The following DCC variants were observed in gnomAD, a reference collection of about 807,000 sequenced individuals.
DCC encodes netrin receptor DCC.
DCC carries 58 observed loss-of-function variants against 172.5 expected under a neutral mutation model. The observed-to-expected ratio is 0.34, with a 90% CI of 0.27 to 0.42. The LOEUF (loss-of-function observed/expected upper bound fraction) is 0.42. DCC is among the 10% of genes least tolerant of loss of function. The pLI, the probability that DCC is intolerant of heterozygous loss-of-function variation, is 1.00. For missense variants in DCC, 1,740 were observed against 1,791.0 expected (o/e 0.97, Z 0.51); for synonymous variants, 709 against 644.5 (o/e 1.10, Z -1.52).
intron 1 of DCC, chr18:52,419,406 C>T (rs999415420): frequency 2.6e-5 from 4 of 152,132 alleles, no homozygotes; most frequent in African/African-American, 7.2e-5. Flanking sequence ...AACAAGTTTT[C>T]ATCCAGTGTC....
At chr18:53,269,700 T>A (rs1598967728) in intron 12 of DCC, among the ~76,000 whole-genome samples, 1 of 152,132 alleles carries the variant, frequency 6.6e-6, no homozygotes, top group Non-Finnish European at 1.5e-5. Context: ...TGAACCCTTT[T>A]GGTAGACAAG....
intron 5 of DCC, among the ~76,000 whole-genome samples, chr18:52,985,837 G>T (rs576433537): frequency 6.6e-6 from 1 of 152,074 alleles, no homozygotes; most frequent in South Asian, 2.1e-4. Flanking sequence ...TGATTTTTAA[G>T]CTTCAAGAAC....
At chr18:53,032,351 A>T (rs2042036574) in intron 5 of DCC, among the ~76,000 whole-genome samples, 1 of 152,128 alleles carries the variant, frequency 6.6e-6, no homozygotes, top group South Asian at 2.1e-4. Flanking sequence ...AAGTGTATGT[A>T]TTTCTCATTT....
chr18:52,472,784 A>C (rs1403385190), intron 1 of DCC, among the ~76,000 whole-genome samples: 1 of 152,146 alleles, frequency 6.6e-6, no homozygotes, highest in African/African-American at 2.4e-5. Context: ...ATGAGCCTAT[A>C]GTCCCAGCTA....
chr18:52,444,295 C>A (rs1187885034), intron 1 of DCC, among the ~76,000 whole-genome samples: 2 of 152,144 alleles, frequency 1.3e-5, no homozygotes, highest in African/African-American at 4.8e-5. Flanking sequence ...CTTGAAAATC[C>A]AGAAATCTAA....
At chr18:52,637,830 C>T (rs956948946) in intron 1 of DCC, among the ~76,000 whole-genome samples, 1 of 152,116 alleles carries the variant, frequency 6.6e-6, no homozygotes, top group Non-Finnish European at 1.5e-5. Context: ...CCGAGAAATT[C>T]ATAGCAAAAA....
intron 1 of DCC, among the ~76,000 whole-genome samples, chr18:52,498,326 T>G (rs1350901526): frequency 6.6e-6 from 1 of 152,094 alleles, no homozygotes; most frequent in Non-Finnish European, 1.5e-5. Flanking sequence ...ACTCAGTGAC[T>G]AAAATGATGG....
At chr18:52,834,687 C>T (rs1416229971) in intron 2 of DCC, among the ~76,000 whole-genome samples, 2 of 152,010 alleles carry the variant, frequency 1.3e-5, no homozygotes, top group East Asian at 1.9e-4. Context: ...TGCTTAGAAT[C>T]AAAGCTTATC....
chr18:53,047,282 ATATATAATTT>A (rs2042257279), intron 5 of DCC, among the ~76,000 whole-genome samples: 1 of 18,150 alleles, frequency 5.5e-5, no homozygotes, highest in African/African-American at 4.3e-4. Context: ...ATATATATAT[ATATATAATTT>A]TATATATATA....
intron 15 of DCC, among the ~76,000 whole-genome samples, chr18:53,381,071 T>C (rs1394840628): frequency 6.6e-6 from 1 of 152,176 alleles, no homozygotes; most frequent in African/African-American, 2.4e-5. Context: ...GGTATCAATA[T>C]TAGCAAGAGT....
intron 1 of DCC, among the ~76,000 whole-genome samples, chr18:52,491,895 C>T (rs1217332241): frequency 6.6e-6 from 1 of 151,908 alleles, no homozygotes; most frequent in Admixed American, 6.6e-5. Context: ...GTGATGATTC[C>T]TGTCTGGAGC....
chr18:52,423,950 C>G (rs570306898), intron 1 of DCC, among the ~76,000 whole-genome samples: 17 of 152,208 alleles, frequency 1.1e-4, no homozygotes, highest in African/African-American at 4.1e-4. Flanking sequence ...CGCTTCCGTT[C>G]CGATAATGTC....
rs762388968 is a variant in DCC, at chr18:53,339,918, G to A, written c.2359+11G>A. 1.9e-6 allele frequency: 3 copies of A among 1,594,370 alleles called. No homozygotes were observed. The highest frequency in any genetic ancestry group is 1.6e-5 in the African/African-American group (1 of 61,558). On this transcript the variant is annotated intron_variant, in intron 15 of 28. Transcript: ENST00000442544. ...CCATTGAGAGGTTAGGTGAGTATCT[G>A]TGATTTTTTTTATTCTATTAAGGGG...
At chr18:53,350,031 A>G (rs1459681639) in intron 15 of DCC, among the ~76,000 whole-genome samples, 2 of 152,222 alleles carry the variant, frequency 1.3e-5, no homozygotes. Flanking sequence ...ACAATGGAAA[A>G]GATAAAAAGT....
chr18:52,731,639 T>C (rs2036644387), intron 1 of DCC, among the ~76,000 whole-genome samples: 1 of 152,180 alleles, frequency 6.6e-6, no homozygotes, highest in Non-Finnish European at 1.5e-5. Context: ...TAAACAGCGA[T>C]TGACTTCATG....
At chr18:52,547,693 G>A (rs1047588637) in intron 1 of DCC, among the ~76,000 whole-genome samples, 13 of 151,990 alleles carry the variant, frequency 8.6e-5, no homozygotes, top group African/African-American at 3.1e-4. Context: ...CTGGGATTTC[G>A]TTACACAAAA....
intron 5 of DCC, among the ~76,000 whole-genome samples, chr18:52,991,256 A>G (rs28583496): frequency 1.3e-5 from 2 of 152,026 alleles, no homozygotes; most frequent in Non-Finnish European, 2.9e-5. Flanking sequence ...TAATTTTTTT[A>G]AATTTATCTT....
chr18:52,429,729 T>G (rs923406735), intron 1 of DCC, among the ~76,000 whole-genome samples: 6 of 152,170 alleles, frequency 3.9e-5, no homozygotes, highest in Non-Finnish European at 8.8e-5. Context: ...AAAGCTCCAT[T>G]ATAACAAATC....
Position 52,540,371 on chromosome 18 carries a change from G to A in DCC, c.91+199493G>A, listed in dbSNP as rs143695727. 4.9e-3 allele frequency among the ~76,000 whole-genome samples: 746 copies of A among 152,054 alleles called. 4 individuals are homozygous for A. Among genetic ancestry groups the A allele is most frequent in the Non-Finnish European group, 7.7e-3 (524 of 67,982 alleles). On this transcript the variant is annotated intron_variant, in intron 1 of 28. Coordinates refer to ENST00000442544, the MANE Select transcript of DCC (RefSeq NM_005215.4). ...GAGCCCAAGAGTTTGAGGCTACAGT[G>A]AGCTATGATGGCATCACTGTACTCT...
Sources: gnomAD v4.1 joint callset for allele counts (sites outside exome capture counted in the v4.1 genomes callset) on GRCh38, gnomAD v4.1.1 for gene constraint, MANE v1.5 for transcripts, NCBI Gene and HGNC (gene_info 2026-07-23, HGNC 2026-07-21) for gene names.